METTL25: variants seen among roughly 807,000 people sequenced by gnomAD.
METTL25 encodes the protein probable methyltransferase-like protein 25.
Under a neutral mutation model 71.6 loss-of-function variants are expected in METTL25, and 64 were observed. The observed-to-expected ratio is 0.89, with a 90% CI of 0.73 to 1.10. The LOEUF is 1.10. METTL25 is among the 50% of genes least tolerant of loss of function. METTL25 has a pLI of 0.00. For synonymous variants in METTL25, 287 were observed against 250.3 expected, an observed-to-expected ratio of 1.15 and a Z score of -1.38; for missense variants, 807 against 707.0, an observed-to-expected ratio of 1.14 and a Z score of -1.60.
intron 3 of METTL25, among the ~76,000 whole-genome samples, chr12:82,397,268 A>G (rs1886162831): frequency 6.6e-6 from 1 of 152,024 alleles, no homozygotes. Flanking sequence ...TCACATTGGC[A>G]GTGTGTATAT....
At chr12:82,462,533 G>A (rs1317227563) in intron 9 of METTL25, among the ~76,000 whole-genome samples, 1 of 151,962 alleles carries the variant, frequency 6.6e-6, no homozygotes, top group Non-Finnish European at 1.5e-5. Context: ...TCTATAACAT[G>A]AGACCATGAA....
intron 3 of METTL25, among the ~76,000 whole-genome samples, chr12:82,394,216 A>G (rs1885876751): frequency 6.6e-6 from 1 of 152,074 alleles, no homozygotes; most frequent in Non-Finnish European, 1.5e-5. Context: ...TTTGGTCCAT[A>G]GTGCAGATTA....
Position 82,444,580 on chromosome 12 carries a change from AAAT to A in METTL25, c.1478+5796_1478+5798del, listed in dbSNP as rs557820062. 1.3e-3 allele frequency among the ~76,000 whole-genome samples: 197 copies of A among 152,320 alleles called. 10 individuals are homozygous for A. In the South Asian group the frequency reaches 0.04, roughly 31 times the overall value. The stretch of plus-strand genomic sequence containing the variant: ...ATAAAGGCAAAAAGACATATATCAA[AAAT>A]AATAATCATAACATTTGTTAAGAGA... On this transcript the variant is annotated intron_variant, in intron 8 of 11. Transcript: ENST00000248306.
chr12:82,440,784 G>A (rs748912854), intron 8 of METTL25, among the ~76,000 whole-genome samples: 1 of 152,066 alleles, frequency 6.6e-6, no homozygotes, highest in Non-Finnish European at 1.5e-5. Flanking sequence ...CCAGAGATGT[G>A]TGTGCACATG....
At chr12:82,476,042 A>G (rs1490242344) in intron 9 of METTL25, among the ~76,000 whole-genome samples, 1 of 152,142 alleles carries the variant, frequency 6.6e-6, no homozygotes, top group East Asian at 1.9e-4. Flanking sequence ...AGAAATAAAT[A>G]CAATTGACTC....
At chr12:82,431,205 T>G (rs1019014070) in intron 6 of METTL25, among the ~76,000 whole-genome samples, 1 of 151,284 alleles carries the variant, frequency 6.6e-6, no homozygotes, top group East Asian at 1.9e-4. Flanking sequence ...AATTATTAAA[T>G]AAAATATAAT....
Position 82,478,916 on chromosome 12 carries a change from A to T in METTL25, c.1720-16A>T. 1 of 1,599,750 alleles carries T rather than the reference A, an allele frequency of 6.3e-7. No homozygotes were observed. The highest frequency in any genetic ancestry group is 8.6e-7 in the Non-Finnish European group (1 of 1,168,648). ...CAACAAATGGTTGTATATCTAAATC[A>T]CTTATTAATTTACAGGAAGATATTG... On this transcript the variant is annotated splice_polypyrimidine_tract_variant and intron_variant, in intron 11 of 11. Transcript: ENST00000248306.
At chr12:82,394,283 G>A (rs1020265836) in intron 3 of METTL25, among the ~76,000 whole-genome samples, 1 of 151,920 alleles carries the variant, frequency 6.6e-6, no homozygotes. Flanking sequence ...TACTGAATGG[G>A]ACTGTTGAAG....
chr12:82,416,400 GAGT>G (rs1180276453), intron 5 of METTL25, among the ~76,000 whole-genome samples: 1 of 150,694 alleles, frequency 6.6e-6, no homozygotes, highest in African/African-American at 2.4e-5. Flanking sequence ...TAATCCTGAA[GAGT>G]AGGTCTGATT....
chr12:82,454,500 A>T (rs1297410642), intron 8 of METTL25, among the ~76,000 whole-genome samples: 1 of 152,014 alleles, frequency 6.6e-6, no homozygotes, highest in Non-Finnish European at 1.5e-5. Context: ...GTTATTGCTA[A>T]AAACAGGTCT....
intron 8 of METTL25, among the ~76,000 whole-genome samples, chr12:82,447,119 C>T (rs927223350): frequency 6.6e-6 from 1 of 151,246 alleles, no homozygotes; most frequent in African/African-American, 2.4e-5. Flanking sequence ...AAGATCAGAG[C>T]ATAAATAAAT....
chr12:82,384,374 G>GCT (rs57771205), intron 1 of METTL25, among the ~76,000 whole-genome samples: 83 of 134,268 alleles, frequency 6.2e-4, no homozygotes, highest in African/African-American at 1.5e-3. Context: ...ATCATAAACA[G>GCT]CTCTCTCTCT....
chr12:82,376,927 A>C (rs895083012), intron 1 of METTL25, among the ~76,000 whole-genome samples: 18 of 152,106 alleles, frequency 1.2e-4, no homozygotes, highest in Non-Finnish European at 2.2e-4. Context: ...CAGCCTGCCC[A>C]ATGTGGCGAA....
chr12:82,389,752 C>G, intron 2 of METTL25, 64 bp from the exon 3 acceptor site: 1 of 947,744 alleles, frequency 1.1e-6, no homozygotes, highest in Non-Finnish European at 1.7e-6. Flanking sequence ...ATATGAACAT[C>G]TAACTGATAA....
At chr12:82,447,884 A>G (rs531708347) in intron 8 of METTL25, among the ~76,000 whole-genome samples, 4 of 152,206 alleles carry the variant, frequency 2.6e-5, no homozygotes, top group African/African-American at 7.2e-5. Context: ...TTATACTCCA[A>G]TATCTAATAT....
At chr12:82,441,622 C>T (rs899688042) in intron 8 of METTL25, among the ~76,000 whole-genome samples, 1 of 151,470 alleles carries the variant, frequency 6.6e-6, no homozygotes, top group Non-Finnish European at 1.5e-5. Flanking sequence ...ACGAGTCCCC[C>T]GGGTTTTCTT....
chr12:82,462,611 A>C (rs1470327167), intron 9 of METTL25, among the ~76,000 whole-genome samples: 1 of 152,104 alleles, frequency 6.6e-6, no homozygotes, highest in Non-Finnish European at 1.5e-5. Context: ...TTCATTTTAA[A>C]ATTTTCTTAA....
At chr12:82,432,695 C>T (rs1358517053) in intron 6 of METTL25, among the ~76,000 whole-genome samples, 4 of 151,392 alleles carry the variant, frequency 2.6e-5, no homozygotes, top group Non-Finnish European at 5.9e-5. Flanking sequence ...CATGGAATGC[C>T]CTTCTCCTTA....
chr12:82,401,956 A>T lies in METTL25; in HGVS notation c.1132-1027A>T, dbSNP rs996528957. 5.9e-5 allele frequency among the ~76,000 whole-genome samples: 9 copies of T among 151,930 alleles called. No homozygotes were observed. In the East Asian group the frequency reaches 7.7e-4, roughly 13 times the overall value. ...GTTTTCTGTATAAATTTTTTTTCTTACAAGTTTCTTTTTACTCCTACTTTA... is the reference window on the plus strand; with the variant it reads ...GTTTTCTGTATAAATTTTTTTTCTTTCAAGTTTCTTTTTACTCCTACTTTA... On this transcript the variant is annotated intron_variant, in intron 4 of 11. Transcript: ENST00000248306.
Sources: gnomAD v4.1 joint callset for allele counts (sites outside exome capture counted in the v4.1 genomes callset) on GRCh38, gnomAD v4.1.1 for gene constraint, MANE v1.5 for transcripts, NCBI Gene and HGNC (gene_info 2026-07-23, HGNC 2026-07-21) for gene names.